Variants in CDK19 observed in about 807,000 individuals in gnomAD.
CDK19 encodes the protein cyclin dependent kinase 19.
In CDK19, 20 loss-of-function variants were observed where a neutral mutation model predicts 68.3. The ratio of observed to expected loss-of-function variants is 0.29; its 90% CI spans 0.21 to 0.43. The LOEUF is 0.43. Among genes scored for constraint, CDK19 ranks in the 20% least tolerant of loss-of-function variants. CDK19 has a pLI of 1.00. For missense variants in CDK19, 339 were observed against 623.5 expected (o/e 0.54, Z 4.86); for synonymous variants, 221 against 222.8 (o/e 0.99, Z 0.07).
Position 110,621,510 on chromosome 6 carries a change from A to G in CDK19, c.1111-140T>C. The stretch of plus-strand genomic sequence containing the variant: ...ACACTAGAGTGATGGGGAGGACTGG[A>G]GAATGGAGCAGCCAGGGAACACAGT... On this transcript the variant is annotated intron_variant, in intron 11 of 12. Coordinates refer to ENST00000368911, the MANE Select transcript of CDK19 (RefSeq NM_015076.5). This position sits in a 1 kb window ranked among gnomAD's most constrained non-coding sequence, Gnocchi z 5.4. The G allele has an allele frequency of 1.3e-6, 1 of 792,894 alleles. No homozygotes were observed. Among genetic ancestry groups the G allele is most frequent in the East Asian group, 2.5e-5 (1 of 39,420 alleles). The allele number at this position is 792,894 out of a possible 1,614,324, so 49.1% of individuals were successfully genotyped here.
intron 6 of CDK19, among the ~76,000 whole-genome samples, chr6:110,629,610 T>TC (rs1779313692): frequency 6.6e-6 from 1 of 152,148 alleles, no homozygotes; most frequent in South Asian, 2.1e-4. Context: ...TGCCTTGGCC[T>TC]CCCAAAGCGC....
rs184293607 is a variant in CDK19 at position 110,665,094 on chromosome 6, T to C, written c.456+2340A>G. Among the ~76,000 whole-genome samples, 7 of 152,292 alleles carry C rather than the reference T, an allele frequency of 4.6e-5. No individual in the cohort carries two copies. The East Asian group carries it at 1.4e-3, about 29-fold the overall frequency. The stretch of plus-strand genomic sequence containing the variant: ...GCCAAATAAGGAAGTAGAGTTTTAG[T>C]CTGTAAGCAATGAGGAACTATTTCA... On this transcript the variant is annotated intron_variant, in intron 4 of 12. Transcript: ENST00000368911.
intron 2 of CDK19, among the ~76,000 whole-genome samples, chr6:110,681,224 T>C (rs185318471): frequency 4.6e-5 from 7 of 151,796 alleles, no homozygotes; most frequent in African/African-American, 1.7e-4. Flanking sequence ...CGCATGCCTG[T>C]AGTCCCAGCT....
chr6:110,661,867 T>C (rs1781637799), intron 4 of CDK19, among the ~76,000 whole-genome samples: 1 of 152,238 alleles, frequency 6.6e-6, no homozygotes, highest in Non-Finnish European at 1.5e-5. Flanking sequence ...GCAGATCATA[T>C]ACTTATTTGT....
intron 12 of CDK19, among the ~76,000 whole-genome samples, chr6:110,619,576 T>C (rs1666998696): frequency 1.3e-5 from 2 of 151,702 alleles, no homozygotes; most frequent in Non-Finnish European, 2.9e-5. Flanking sequence ...TGGAGAATCC[T>C]GTTAGAGCAA....
At chr6:110,761,964 T>C (rs1297035589) in intron 1 of CDK19, among the ~76,000 whole-genome samples, 1 of 152,082 alleles carries the variant, frequency 6.6e-6, no homozygotes, top group African/African-American at 2.4e-5. Flanking sequence ...GATCTTCCAT[T>C]TTCCCCCCAG....
chr6:110,621,402 A>C lies in CDK19; in HGVS notation c.1111-32T>G, dbSNP rs758338668. On this transcript the variant is annotated intron_variant, in intron 11 of 12. Coordinates refer to ENST00000368911, the MANE Select transcript of CDK19 (RefSeq NM_015076.5). This position sits in a 1 kb window ranked among gnomAD's most constrained non-coding sequence, Gnocchi z 5.4. The stretch of plus-strand genomic sequence containing the variant: ...AGGGGAAAAAAGCAAGCTTGGTATG[A>C]AACCAAATTAACAGGAGCTTTCTTT... The C allele has an allele frequency of 9.9e-6, 15 of 1,517,550 alleles. No individual in the cohort carries two copies. Among genetic ancestry groups the C allele is most frequent in the Admixed American group, 4.6e-5 (2 of 43,956 alleles). 94.0% of individuals were successfully genotyped at this position (1,517,550 alleles called of 1,614,324 possible).
At chr6:110,620,029 G>A (rs750579689) in intron 12 of CDK19, among the ~76,000 whole-genome samples, 98 of 152,108 alleles carry the variant, frequency 6.4e-4, no homozygotes, top group Non-Finnish European at 1.1e-3. Flanking sequence ...ATTCAAATAT[G>A]CTCATGCTAC....
intron 8 of CDK19, 23 bp downstream of exon 8, chr6:110,626,753 T>A: frequency 7.1e-7 from 1 of 1,410,980 alleles, no homozygotes; most frequent in Non-Finnish European, 9.8e-7. Context: ...ACAAAAAGAC[T>A]AAGACTGTGT....
intron 4 of CDK19, among the ~76,000 whole-genome samples, chr6:110,640,385 T>C (rs1780069396): frequency 6.6e-6 from 1 of 151,922 alleles, no homozygotes; most frequent in Non-Finnish European, 1.5e-5. Context: ...GGGAGTGGAA[T>C]TGGATGTGAG....
At chr6:110,759,426 A>ATATATATAT (rs1401012805) in intron 1 of CDK19, among the ~76,000 whole-genome samples, 1 of 92,716 alleles carries the variant, frequency 1.1e-5, no homozygotes, top group Non-Finnish European at 2.1e-5. Context: ...AAAAAAAAAA[A>ATATATATAT]AAATATATAT....
At chr6:110,812,812 TAA>T (rs66478846) in intron 1 of CDK19, among the ~76,000 whole-genome samples, 116 of 101,574 alleles carry the variant, frequency 1.1e-3, no homozygotes, top group East Asian at 2.1e-3. Context: ...TTTAAAACAG[TAA>T]AAAAAAAAAA....
At chr6:110,704,097 G>A (rs1242144343) in intron 2 of CDK19, among the ~76,000 whole-genome samples, 1 of 152,092 alleles carries the variant, frequency 6.6e-6, no homozygotes, top group Non-Finnish European at 1.5e-5. Flanking sequence ...GTTGTTTTTG[G>A]TGTCAAAGGA....
chr6:110,642,045 G>A (rs1387483189), intron 4 of CDK19, among the ~76,000 whole-genome samples: 1 of 152,240 alleles, frequency 6.6e-6, no homozygotes, highest in Non-Finnish European at 1.5e-5. Flanking sequence ...GCTCACGCCT[G>A]TAATCCCAGC....
At chr6:110,725,926 T>TA (rs1363149006) in intron 2 of CDK19, among the ~76,000 whole-genome samples, 1 of 152,200 alleles carries the variant, frequency 6.6e-6, no homozygotes, top group African/African-American at 2.4e-5. Context: ...AATAAACAGT[T>TA]ATGTTCTATG....
chr6:110,713,478 C>CAA (rs33973234), intron 2 of CDK19, among the ~76,000 whole-genome samples: 99,662 of 129,438 alleles, frequency 0.77, 39,629 homozygotes, highest in Admixed American at 0.86. Flanking sequence ...CCTCTTGTCT[C>CAA]AAAAAAAAAA....
chr6:110,788,280 A>C (rs973000965), intron 1 of CDK19, among the ~76,000 whole-genome samples: 2 of 152,116 alleles, frequency 1.3e-5, no homozygotes, highest in African/African-American at 4.8e-5. Flanking sequence ...CTCCTGCCTC[A>C]GCTTCTCAAA....
intron 1 of CDK19, among the ~76,000 whole-genome samples, chr6:110,779,646 T>C (rs982414178): frequency 2.6e-5 from 4 of 152,198 alleles, no homozygotes; most frequent in African/African-American, 7.2e-5. Context: ...CTGGGCACGG[T>C]GCCTCACGCC....
Position 110,720,069 on chromosome 6 carries a change from T to C in CDK19, c.204+26057A>G, listed in dbSNP as rs974123732. 2.1e-5 allele frequency among the ~76,000 whole-genome samples: 3 copies of C among 145,944 alleles called. No homozygotes were observed. The Admixed American group carries it at 2.1e-4, about 10-fold the overall frequency. ...TCTGCCATGGCAGTGGGTTTAACAA[T>C]CCAACTGATTGCCCCAAGTGTTCTG... On this transcript the variant is annotated intron_variant, in intron 2 of 12. Coordinates refer to ENST00000368911, the MANE Select transcript of CDK19 (RefSeq NM_015076.5).
Sources: gnomAD v4.1 joint callset for allele counts (sites outside exome capture counted in the v4.1 genomes callset) on GRCh38, gnomAD v4.1.1 for gene constraint, Gnocchi (gnomAD v3.1) non-coding constraint, MANE v1.5 for transcripts, NCBI Gene and HGNC (gene_info 2026-07-23, HGNC 2026-07-21) for gene names.